PCDHGA1: variants seen among roughly 807,000 people sequenced by gnomAD.
PCDHGA1 encodes the protein protocadherin gamma-A1.
PCDHGA1 carries 32 observed loss-of-function variants against 58.0 expected under a neutral mutation model. That is an observed-to-expected ratio of 0.55 (90% CI 0.42 to 0.74). PCDHGA1 has a LOEUF of 0.74. PCDHGA1 is among the 30% of genes least tolerant of loss of function. The probability of loss-of-function intolerance (pLI) is 0.00; values close to 1 mark genes in which losing one functional copy is unlikely to be tolerated. For missense variants in PCDHGA1, 1,205 were observed against 1,182.3 expected (o/e 1.02, Z -0.28); for synonymous variants, 498 against 501.1 (o/e 0.99, Z 0.08).
At chr5:141,470,132 A>G (rs1411735203) in intron 1 of PCDHGA1, among the ~76,000 whole-genome samples, 1 of 151,586 alleles carries the variant, frequency 6.6e-6, no homozygotes, top group East Asian at 1.9e-4. Context: ...TCGTCTCAAA[A>G]AAAAAGATCA....
At chr5:141,362,185 C>T (rs779283904) in intron 1 of PCDHGA1, 15 of 1,613,904 alleles carry the variant, frequency 9.3e-6, no homozygotes, top group Admixed American at 3.3e-5. Context: ...GCCCTCTGAC[C>T]CCCAGGCAAA....
intron 1 of PCDHGA1, chr5:141,478,053 T>A (rs1461280529): frequency 1.2e-6 from 2 of 1,614,010 alleles, no homozygotes; most frequent in Non-Finnish European, 1.7e-6. Context: ...ACTCTCACGG[T>A]CTTGATCAAA....
intron 1 of PCDHGA1, chr5:141,403,792 A>G: frequency 1.2e-6 from 2 of 1,613,922 alleles, no homozygotes; most frequent in African/African-American, 1.3e-5. Context: ...TGGCATACAA[A>G]TTCTGGAAAA....
intron 1 of PCDHGA1, chr5:141,415,035 C>T (rs368588973): frequency 8.9e-5 from 143 of 1,613,460 alleles, no homozygotes; most frequent in Non-Finnish European, 1.1e-4. Flanking sequence ...AGCCGGGACT[C>T]TTCGCGGTGG....
At chr5:141,388,733 A>G in intron 1 of PCDHGA1, 1 of 1,613,986 alleles carries the variant, frequency 6.2e-7, no homozygotes, top group Non-Finnish European at 8.5e-7. Context: ...CTTTCAGTGA[A>G]GCTAGCCAGA....
Position 141,438,902 on chromosome 5 carries a change from G to A in PCDHGA1, c.2422-55905G>A, listed in dbSNP as rs185216039. 2.0e-5 allele frequency among the ~76,000 whole-genome samples: 3 copies of A among 151,906 alleles called. No homozygotes were observed. The East Asian group carries it at 5.8e-4, about 29-fold the overall frequency. On this transcript the variant is annotated intron_variant, in intron 1 of 3. Coordinates refer to ENST00000517417, the MANE Select transcript of PCDHGA1 (RefSeq NM_018912.3). ...GCTGCTCTTGAACTCCTGACCTCAGGTGATCCACCTGCCTTGGCCTCCCAA... is the reference window on the plus strand; with the variant it reads ...GCTGCTCTTGAACTCCTGACCTCAGATGATCCACCTGCCTTGGCCTCCCAA...
Position 141,332,689 on chromosome 5 carries a change from T to G in PCDHGA1, c.2005T>G (p.Ser669Ala), listed in dbSNP as rs148466345. 1.9e-6 allele frequency: 3 copies of G among 1,613,698 alleles called. No individual in the cohort carries two copies. In the South Asian group the frequency reaches 3.3e-5, roughly 18 times the overall value. ...CACCGTGGCCGTGGCCGACAGGATC[T>G]CCGACATCCTGGCCGACCTGGGCAG... Reference protein sequence around the residue: ...TLTVAVADRISDILADLGSLE... With the variant: ...TLTVAVADRIADILADLGSLE... The change falls in exon 1 of 4, where the codon TCC becomes GCC. Residue 669 changes from serine (S) to alanine (A), a missense_variant. Transcript: ENST00000517417. This position sits in a 1 kb window ranked among gnomAD's most constrained non-coding sequence, Gnocchi z 4.6.
intron 1 of PCDHGA1, chr5:141,478,419 G>A (rs2530208): frequency 3.7e-6 from 6 of 1,613,632 alleles, no homozygotes; most frequent in South Asian, 2.2e-5. Context: ...GACTCCCGCC[G>A]CAGCGACCCG....
intron 1 of PCDHGA1, chr5:141,394,742 G>T: frequency 1.2e-6 from 2 of 1,613,420 alleles, no homozygotes; most frequent in Non-Finnish European, 1.7e-6. Flanking sequence ...AGAGCCTCGT[G>T]GTGGCCGTCC....
chr5:141,331,349 G>A lies in PCDHGA1; in HGVS notation c.665G>A (p.Arg222His), dbSNP rs139152286. The A allele has an allele frequency of 3.3e-5, 53 of 1,614,154 alleles. No individual in the cohort carries two copies. The highest frequency in any genetic ancestry group is 3.1e-4 in the African/African-American group (23 of 75,040). The part of the protein sequence containing the change: ...LTASDGGEPV[R>H]SGTLRIYIQV... ...GCTTCTGATGGGGGTGAACCAGTCC[G>A]TTCAGGGACCCTCAGAATTTACATT... is the stretch of plus-strand genomic sequence containing the variant. Residue 222 changes from arginine to histidine, a missense_variant, in exon 1 of 4, where the codon CGT becomes CAT. By Grantham distance (29) the Arg-to-His change is conservative. Transcript: ENST00000517417.
rs1246204844 is a variant in PCDHGA1, at chr5:141,419,493, A to T, written c.2422-75314A>T. On this transcript the variant is annotated intron_variant, in intron 1 of 3. Coordinates refer to ENST00000517417, the MANE Select transcript of PCDHGA1 (RefSeq NM_018912.3). ...CAGGGCTCGCCCGCGCTCAGCGCCA[A>T]TGTGAGCCTGCGCGTGTTGGTGGGC... 3 of 1,612,264 alleles carry T rather than the reference A, an allele frequency of 1.9e-6. No individual in the cohort carries two copies. The African/African-American group carries it at 4.0e-5, about 22-fold the overall frequency.
chr5:141,422,616 C>T, intron 1 of PCDHGA1: 1 of 1,613,714 alleles, frequency 6.2e-7, no homozygotes. Flanking sequence ...CCTACATTCC[C>T]GAAAACAACC....
At chr5:141,352,670 G>C in intron 1 of PCDHGA1, 1 of 1,579,078 alleles carries the variant, frequency 6.3e-7, no homozygotes, top group Non-Finnish European at 8.6e-7. Context: ...GTCTTCGCAC[G>C]TGAGTTTCTG....
chr5:141,409,409 A>C, intron 1 of PCDHGA1: 4 of 1,614,046 alleles, frequency 2.5e-6, no homozygotes, highest in Non-Finnish European at 3.4e-6. Flanking sequence ...TAACTACTAC[A>C]AACTGGTGAC....
At chr5:141,342,176 C>A (rs1323667344) in intron 1 of PCDHGA1, 2 of 151,858 alleles carry the variant, frequency 1.3e-5, no homozygotes, top group Admixed American at 1.3e-4. Flanking sequence ...AATATATATC[C>A]TCAATATAGT....
At position 141,511,393 on chromosome 5, in the gene PCDHGA1, C is replaced by G. The variant is rs1257680621; in HGVS notation, c.*220C>G. The G allele has an allele frequency of 2.8e-6, 3 of 1,067,816 alleles. No individual in the cohort carries two copies. The highest frequency in any genetic ancestry group is 3.9e-6 in the Non-Finnish European group (3 of 764,518). The allele number at this position is 1,067,816 out of a possible 1,614,324, so 66.1% of individuals were successfully genotyped here. A position where few individuals can be genotyped will look rare whatever the true frequency, so the allele number is the denominator to read the frequency against. On this transcript the variant is annotated 3_prime_UTR_variant, in exon 4 of 4. Coordinates refer to ENST00000517417, the MANE Select transcript of PCDHGA1 (RefSeq NM_018912.3). ...CAAAAGCAGTTCCGCTGGGAACCCC[C>G]ATCCAATCAACTGCTGTACCCATGG...
At chr5:141,410,886 C>A in intron 1 of PCDHGA1, 1 of 290,056 alleles carries the variant, frequency 3.4e-6, no homozygotes, top group Non-Finnish European at 5.6e-6. Flanking sequence ...TGGAGTCTCG[C>A]ACTGTTGCCT....
intron 1 of PCDHGA1, among the ~76,000 whole-genome samples, chr5:141,458,351 T>A (rs903399511): frequency 2.0e-5 from 3 of 152,010 alleles, no homozygotes; most frequent in African/African-American, 7.3e-5. Flanking sequence ...GAGAGTTTAA[T>A]AAGCAAGAAG....
intron 1 of PCDHGA1, among the ~76,000 whole-genome samples, chr5:141,460,682 T>A (rs957470916): frequency 3.3e-5 from 5 of 152,134 alleles, no homozygotes; most frequent in African/African-American, 1.2e-4. Flanking sequence ...TATATCTATA[T>A]ATCCACCAAC....
Sources: allele counts gnomAD v4.1 joint callset (sites outside exome capture counted in the v4.1 genomes callset), GRCh38; gene constraint gnomAD v4.1.1; non-coding constraint Gnocchi (gnomAD v3.1); transcripts MANE v1.5; gene names NCBI Gene and HGNC (gene_info 2026-07-23, HGNC 2026-07-21).